The following KRTAP6-2 variants were observed in gnomAD, a reference collection of about 807,000 sequenced individuals.
The protein encoded by KRTAP6-2 is keratin associated protein 6-2.
KRTAP6-2 carries 1 observed loss-of-function variant against 0.4 expected under a neutral mutation model. That is an observed-to-expected ratio of 2.37 (90% CI 0.84 to 11.25). KRTAP6-2 has a LOEUF of 11.25. Ranked by LOEUF, KRTAP6-2 falls within the 30% of genes most tolerant of loss-of-function variation. The probability of loss-of-function intolerance (pLI) is 0.12; values close to 1 mark genes in which losing one functional copy is unlikely to be tolerated. For synonymous variants in KRTAP6-2, 39 were observed against 34.2 expected, an observed-to-expected ratio of 1.14 and a Z score of -0.49; for missense variants, 87 against 82.0, an observed-to-expected ratio of 1.06 and a Z score of -0.23.
chr21:30,598,609 C>T (rs753873245), exon 1 of KRTAP6-2: 71 of 1,483,506 alleles, frequency 4.8e-5, no homozygotes, highest in African/African-American at 4.2e-5. Flanking sequence ...CATCCAGCCC[C>T]GAGCTCAGAG....
chr21:30,598,623 A>G (rs1980240223), exon 1 of KRTAP6-2: 4 of 1,546,652 alleles, frequency 2.6e-6, no homozygotes, highest in Non-Finnish European at 3.5e-6. Flanking sequence ...CTCAGAGCAT[A>G]CGGGGTTCAG....
the KRTAP6-2 span, chr21:30,598,857 G>T: frequency 6.4e-5 from 103 of 1,613,752 alleles, no homozygotes; most frequent in Admixed American, 1.2e-4. Flanking sequence ...AGTAGTTTCC[G>T]TAGTAGCTGC....
At chr21:30,598,857 G>A (rs375803106) in exon 1 of KRTAP6-2, 29 of 1,613,874 alleles carry the variant, frequency 1.8e-5, no homozygotes, top group Non-Finnish European at 2.4e-5. Context: ...AGTAGTTTCC[G>A]TAGTAGCTGC....
exon 1 of KRTAP6-2, chr21:30,598,869 G>C (rs201729927): frequency 3.7e-6 from 6 of 1,613,222 alleles, no homozygotes; most frequent in Non-Finnish European, 5.1e-6. Context: ...AGTAGCTGCC[G>C]CACATCGTGA....
At chr21:30,598,818 T>A in exon 1 of KRTAP6-2, 1 of 1,613,902 alleles carries the variant, frequency 6.2e-7, no homozygotes. Flanking sequence ...GGCCTTCGTA[T>A]CCACAGCACC....
In KRTAP6-2 at chr21:30,598,744, T is replaced by C. The variant is rs1035306141; in HGVS notation, c.131A>G (p.Tyr44Cys). Residue 44 changes from tyrosine to cysteine, a missense_variant, in exon 1 of 1, where the codon TAC (tyrosine) becomes TGC (cysteine). By Grantham distance (194) the Tyr-to-Cys change is radical. Transcript: ENST00000334897. ...ACAGCCACAGAAGAAGCGGGAGCCG[T>C]AGCCATGACCATAGCCACAGCAGGA... The C allele has an allele frequency of 5.0e-6, 8 of 1,607,724 alleles. No individual in the cohort carries two copies. In the Admixed American group the frequency reaches 1.2e-4, roughly 23 times the overall value.
At chr21:30,598,791 T>TCCATAGCCTGCCTAGCCATAG in the KRTAP6-2 span, 2 of 1,611,992 alleles carry the variant, frequency 1.2e-6, no homozygotes, top group Non-Finnish European at 1.7e-6. Context: ...AGCGCAGGCT[T>TCCATAGCCTGCCTAGCCATAG]CCATAGCCAT....
At chr21:30,598,839 G>A (rs745772469) in exon 1 of KRTAP6-2, 1 of 1,614,068 alleles carries the variant, frequency 6.2e-7, no homozygotes, top group South Asian at 1.1e-5. Context: ...CATAGCCATG[G>A]TCGCCGTAGT....
exon 1 of KRTAP6-2, chr21:30,598,776 G>T: frequency 1.2e-6 from 2 of 1,609,532 alleles, no homozygotes; most frequent in Non-Finnish European, 1.7e-6. Flanking sequence ...AGGAGCTATA[G>T]CCACAGCGCA....
exon 1 of KRTAP6-2, chr21:30,598,783 C>A: frequency 6.2e-7 from 1 of 1,610,552 alleles, no homozygotes; most frequent in South Asian, 1.1e-5. Context: ...ATAGCCACAG[C>A]GCAGGCTTCC....
exon 1 of KRTAP6-2, chr21:30,598,734 G>A (rs1460248255): frequency 1.9e-6 from 3 of 1,609,738 alleles, no homozygotes; most frequent in Non-Finnish European, 2.6e-6. Context: ...CACAGAAGAA[G>A]CGGGAGCCGT....
exon 1 of KRTAP6-2, chr21:30,598,832 A>T: frequency 6.2e-7 from 1 of 1,613,964 alleles, no homozygotes; most frequent in Non-Finnish European, 8.5e-7. Flanking sequence ...CAGCACCCAT[A>T]GCCATGGTCG....
At position 30,598,742 on chromosome 21, in the gene KRTAP6-2, C is replaced by G. The variant is rs564227412; in HGVS notation, c.133G>C (p.Gly45Arg). The G allele has an allele frequency of 4.2e-5, 67 of 1,605,988 alleles. No individual in the cohort carries two copies. In the South Asian group the frequency reaches 6.4e-4, roughly 15 times the overall value. The change falls in exon 1 of 1, where the codon GGC (glycine) becomes CGC (arginine). Residue 45 changes from glycine to arginine, a missense_variant. Gly to Arg is a moderately radical substitution (Grantham distance 125, BLOSUM62 -2). Transcript: ENST00000334897. ...CCACAGCCACAGAAGAAGCGGGAGC[C>G]GTAGCCATGACCATAGCCACAGCAG...
At chr21:30,598,666 A>G (rs1455888039) in exon 1 of KRTAP6-2, 8 of 1,602,838 alleles carry the variant, frequency 5.0e-6, no homozygotes, top group Middle Eastern at 1.7e-4. Flanking sequence ...AGGATAGAGG[A>G]TGAGTCTCCC....
At chr21:30,598,625 G>A (rs1041052635) in exon 1 of KRTAP6-2, 22 of 1,547,232 alleles carry the variant, frequency 1.4e-5, no homozygotes, top group Admixed American at 9.5e-5. Context: ...CAGAGCATAC[G>A]GGGTTCAGAA....
chr21:30,598,837 T>C (rs778753299), exon 1 of KRTAP6-2: 3 of 1,613,936 alleles, frequency 1.9e-6, no homozygotes, highest in South Asian at 1.1e-5. Flanking sequence ...CCCATAGCCA[T>C]GGTCGCCGTA....
At chr21:30,598,756 T>TA in the KRTAP6-2 span, 3,492 of 1,607,562 alleles carry the variant, frequency 2.2e-3, 71 homozygotes, top group African/African-American at 0.041. Flanking sequence ...GCCATGACCA[T>TA]AGCCACAGCA....
chr21:30,598,626 G>A (rs1980240542), exon 1 of KRTAP6-2: 6 of 1,550,434 alleles, frequency 3.9e-6, no homozygotes, highest in African/African-American at 1.4e-5. Context: ...AGAGCATACG[G>A]GGTTCAGAAT....
exon 1 of KRTAP6-2, chr21:30,598,896 C>T: frequency 1.2e-6 from 2 of 1,607,194 alleles, no homozygotes; most frequent in Non-Finnish European, 8.5e-7. Context: ...TGGAGGTTGT[C>T]CTTGGGTAGG....
Sources: gnomAD v4.1 joint callset for allele counts on GRCh38, gnomAD v4.1.1 for gene constraint, MANE v1.5 for transcripts, NCBI Gene and HGNC (gene_info 2026-07-23, HGNC 2026-07-21) for gene names.